PTPRD: variants seen among roughly 807,000 people sequenced by gnomAD.
PTPRD encodes the protein receptor-type tyrosine-protein phosphatase delta.
Under a neutral mutation model 214.5 loss-of-function variants are expected in PTPRD, and 34 were observed. That is an observed-to-expected ratio of 0.16 (90% CI 0.12 to 0.21). PTPRD has a LOEUF of 0.21. Among genes scored for constraint, PTPRD ranks in the 10% least tolerant of loss-of-function variants. The pLI is 1.00. For missense variants in PTPRD, 2,545 were observed against 2,398.7 expected, an observed-to-expected ratio of 1.06 and a Z score of -1.27; for synonymous variants, 1,128 against 845.7, an observed-to-expected ratio of 1.33 and a Z score of -5.79.
At chr9:10,143,338 C>A (rs1435441536) in intron 3 of PTPRD, among the ~76,000 whole-genome samples, 2 of 151,532 alleles carry the variant, frequency 1.3e-5, no homozygotes, top group Non-Finnish European at 3.0e-5. Context: ...CAGAGAAATG[C>A]AAATCAAAAC....
intron 3 of PTPRD, among the ~76,000 whole-genome samples, chr9:10,150,525 G>T (rs139196175): frequency 6.6e-6 from 1 of 151,964 alleles, no homozygotes; most frequent in Non-Finnish European, 1.5e-5. Context: ...GCAGGAGGAG[G>T]GGGGAGGGAT....
At chr9:9,562,452 T>A (rs2083223713) in intron 8 of PTPRD, among the ~76,000 whole-genome samples, 1 of 152,174 alleles carries the variant, frequency 6.6e-6, no homozygotes. Flanking sequence ...CTTAGTATCA[T>A]CCTTCTGCTT....
chr9:9,421,970 G>GT (rs2078979297), intron 8 of PTPRD, among the ~76,000 whole-genome samples: 1 of 151,372 alleles, frequency 6.6e-6, no homozygotes, highest in African/African-American at 2.4e-5. Flanking sequence ...AACAAAAACT[G>GT]TAAGTGACAC....
chr9:8,738,771 A>AAAAAACAAAAAC (rs141087724), intron 11 of PTPRD, among the ~76,000 whole-genome samples: 3 of 150,968 alleles, frequency 2.0e-5, no homozygotes, highest in Non-Finnish European at 4.4e-5. Context: ...TTAAGCATTA[A>AAAAAACAAAAAC]AAAAACAAAA....
intron 7 of PTPRD, among the ~76,000 whole-genome samples, chr9:9,638,459 G>A (rs573190851): frequency 4.4e-4 from 67 of 152,168 alleles, no homozygotes; most frequent in African/African-American, 9.4e-4. Flanking sequence ...CTTGTTCCTC[G>A]TTTCTGTGTA....
intron 44 of PTPRD, among the ~76,000 whole-genome samples, chr9:8,326,855 A>G (rs956129553): frequency 6.8e-5 from 10 of 147,268 alleles, no homozygotes; most frequent in African/African-American, 2.0e-4. Context: ...AGAGGTGTTG[A>G]TAGTATTCTC....
chr9:10,574,765 A>G (rs796672148), intron 2 of PTPRD, among the ~76,000 whole-genome samples: 1 of 148,482 alleles, frequency 6.7e-6, no homozygotes, highest in East Asian at 2.0e-4. Flanking sequence ...TCAAATATAT[A>G]TGTGTGTGTG....
chr9:9,873,069 G>A (rs1412017278), intron 5 of PTPRD, among the ~76,000 whole-genome samples: 2 of 152,102 alleles, frequency 1.3e-5, no homozygotes, highest in Non-Finnish European at 2.9e-5. Flanking sequence ...ATTAAGATAT[G>A]AAATGTGGAG....
intron 8 of PTPRD, among the ~76,000 whole-genome samples, chr9:9,485,259 A>T (rs2095579601): frequency 6.6e-6 from 1 of 152,226 alleles, no homozygotes; most frequent in Non-Finnish European, 1.5e-5. Flanking sequence ...ATATCTAAGC[A>T]TGATTTGTAA....
chr9:10,564,168 A>ACTCT (rs2064896205), intron 2 of PTPRD, among the ~76,000 whole-genome samples: 2 of 11,870 alleles, frequency 1.7e-4, no homozygotes, highest in Non-Finnish European at 3.8e-4. Context: ...ACACTAGGCT[A>ACTCT]TTCTTTTTTT....
chr9:9,834,332 AG>A (rs1390020201), intron 5 of PTPRD, among the ~76,000 whole-genome samples: 4 of 152,014 alleles, frequency 2.6e-5, no homozygotes, highest in African/African-American at 7.2e-5. Context: ...CTATGAAAAA[AG>A]AAAAAAGCCC....
intron 3 of PTPRD, among the ~76,000 whole-genome samples, chr9:10,189,663 A>T (rs746504081): frequency 6.6e-6 from 1 of 152,200 alleles, no homozygotes; most frequent in African/African-American, 2.4e-5. Flanking sequence ...AGCAGTAATG[A>T]AGAAAGGCAA....
intron 2 of PTPRD, among the ~76,000 whole-genome samples, chr9:10,572,539 C>G (rs1677956111): frequency 6.6e-6 from 1 of 152,122 alleles, no homozygotes; most frequent in South Asian, 2.1e-4. Flanking sequence ...ATGAAGGAAG[C>G]TAATTGCAAG....
intron 3 of PTPRD, among the ~76,000 whole-genome samples, chr9:10,123,689 A>T (rs1240334971): frequency 6.6e-6 from 1 of 152,180 alleles, no homozygotes; most frequent in East Asian, 1.9e-4. Flanking sequence ...GGAAAACAGA[A>T]ATAAAGAAAA....
intron 3 of PTPRD, among the ~76,000 whole-genome samples, chr9:10,278,407 G>A (rs1237857938): frequency 6.6e-6 from 1 of 152,120 alleles, no homozygotes; most frequent in Non-Finnish European, 1.5e-5. Context: ...CTGGAGGTGA[G>A]CTTGAGGTCA....
intron 39 of PTPRD, among the ~76,000 whole-genome samples, chr9:8,368,250 C>A (rs2080498260): frequency 6.6e-6 from 1 of 152,162 alleles, no homozygotes; most frequent in Non-Finnish European, 1.5e-5. Flanking sequence ...AATCACTTAA[C>A]TTCTCAGGGT....
chr9:8,759,917 T>G (rs938496990), intron 11 of PTPRD, among the ~76,000 whole-genome samples: 3 of 152,198 alleles, frequency 2.0e-5, no homozygotes, highest in African/African-American at 7.2e-5. Context: ...ATCCTCTAAC[T>G]GACAGGACCT....
At chr9:10,090,174 G>T (rs185018239) in intron 3 of PTPRD, among the ~76,000 whole-genome samples, 2 of 151,466 alleles carry the variant, frequency 1.3e-5, no homozygotes, top group Non-Finnish European at 3.0e-5. Flanking sequence ...TTTAAAATCT[G>T]CTTATTACTT....
At chr9:9,892,163 C>T (rs1285664470) in intron 5 of PTPRD, among the ~76,000 whole-genome samples, 1 of 152,006 alleles carries the variant, frequency 6.6e-6, no homozygotes, top group South Asian at 2.1e-4. Flanking sequence ...AGGGCAGGTG[C>T]TGATAAGTTC....
Sources: gnomAD v4.1 joint callset for allele counts (sites outside exome capture counted in the v4.1 genomes callset) on GRCh38, gnomAD v4.1.1 for gene constraint, MANE v1.5 for transcripts, NCBI Gene and HGNC (gene_info 2026-07-23, HGNC 2026-07-21) for gene names.